The following OSBPL6 variants were observed in gnomAD, a reference collection of about 807,000 sequenced individuals.
The protein encoded by OSBPL6 is oxysterol-binding protein-related protein 6.
In OSBPL6, 49 loss-of-function variants were observed where a neutral mutation model predicts 125.8. The observed-to-expected ratio is 0.39, with a 90% CI of 0.31 to 0.49. The LOEUF is 0.49. Among genes scored for constraint, OSBPL6 ranks in the 20% least tolerant of loss-of-function variants. The pLI is 0.88. For missense variants in OSBPL6, 986 were observed against 1,135.4 expected (o/e 0.87, Z 1.89); for synonymous variants, 394 against 391.8 (o/e 1.01, Z -0.07).
rs1574961716 is a variant in OSBPL6 at position 178,358,304 on chromosome 2, G to T, written c.1154-3378G>T. On this transcript the variant is annotated intron_variant, in intron 12 of 24. Transcript: ENST00000190611. The stretch of plus-strand genomic sequence containing the variant: ...TTTGATAACCAGAGCAACCTGGGGG[G>T]AAAACAACAAAGTTGAAAACATCAT... Among the ~76,000 whole-genome samples, 3 of 152,184 alleles carry T rather than the reference G, an allele frequency of 2.0e-5. No homozygotes were observed. In the Middle Eastern group the frequency reaches 0.01, roughly 518 times the overall value.
intron 9 of OSBPL6, among the ~76,000 whole-genome samples, chr2:178,338,069 G>A (rs1225067311): frequency 6.6e-6 from 1 of 151,544 alleles, no homozygotes; most frequent in Non-Finnish European, 1.5e-5. Context: ...AGCCTTCTGA[G>A]TAGCTGGGAT....
At chr2:178,254,135 T>C (rs1231093583) in intron 1 of OSBPL6, among the ~76,000 whole-genome samples, 2 of 152,208 alleles carry the variant, frequency 1.3e-5, no homozygotes, top group African/African-American at 4.8e-5. Flanking sequence ...GGCTTATGCC[T>C]GTAATCCCAA....
chr2:178,330,011 T>C (rs1689058393), intron 5 of OSBPL6, among the ~76,000 whole-genome samples: 2 of 152,192 alleles, frequency 1.3e-5, no homozygotes, highest in South Asian at 4.1e-4. Flanking sequence ...GAAACGATCT[T>C]TCCTGAACCC....
rs1388067562 is a variant in OSBPL6, at chr2:178,401,780, C to A, written c.*6221C>A. The stretch of plus-strand genomic sequence containing the variant: ...GAGTCCACAGATCTAGGGTGTGGAC[C>A]GAGAATCCTCATTGTAACAAGCACC... On this transcript the variant is annotated 3_prime_UTR_variant, in exon 25 of 25. Coordinates refer to ENST00000190611, the MANE Select transcript of OSBPL6 (RefSeq NM_032523.4). 1 of 152,088 alleles carries A rather than the reference C, an allele frequency of 6.6e-6. No individual in the cohort carries two copies. The highest frequency in any genetic ancestry group is 1.5e-5 in the Non-Finnish European group (1 of 68,042). The allele number at this position is 152,088 out of a possible 1,614,324, so 9.4% of individuals were successfully genotyped here. A position where few individuals can be genotyped will look rare whatever the true frequency, so the allele number is the denominator to read the frequency against.
intron 1 of OSBPL6, among the ~76,000 whole-genome samples, chr2:178,275,598 G>T (rs973860878): frequency 3.9e-5 from 6 of 152,110 alleles, no homozygotes; most frequent in African/African-American, 1.4e-4. Context: ...GGAATCGACA[G>T]TAGGAAATTG....
chr2:178,205,190 G>T (rs2089465905), intron 1 of OSBPL6, among the ~76,000 whole-genome samples: 1 of 152,206 alleles, frequency 6.6e-6, no homozygotes, highest in African/African-American at 2.4e-5. Flanking sequence ...ATTTGTGTTT[G>T]AGACAGTGAG....
At chr2:178,291,569 G>A (rs1201642629) in intron 2 of OSBPL6, among the ~76,000 whole-genome samples, 1 of 152,004 alleles carries the variant, frequency 6.6e-6, no homozygotes, top group Non-Finnish European at 1.5e-5. Flanking sequence ...TCTTTGGTTT[G>A]TCAAGTGACC....
intron 1 of OSBPL6, among the ~76,000 whole-genome samples, chr2:178,236,500 C>T (rs1036689803): frequency 6.6e-6 from 1 of 152,136 alleles, no homozygotes; most frequent in African/African-American, 2.4e-5. Context: ...GGCCTGCTAC[C>T]CCTGGTGACA....
chr2:178,315,224 G>A (rs372048315), intron 3 of OSBPL6, among the ~76,000 whole-genome samples: 1 of 152,226 alleles, frequency 6.6e-6, no homozygotes, highest in East Asian at 1.9e-4. Context: ...ACCTTTCAAC[G>A]AGCAGCTCCA....
At chr2:178,289,312 A>G (rs1685022156) in intron 2 of OSBPL6, among the ~76,000 whole-genome samples, 1 of 152,120 alleles carries the variant, frequency 6.6e-6, no homozygotes, top group South Asian at 2.1e-4. Context: ...TACTGTGCCC[A>G]GCCAGTTTTT....
At chr2:178,374,918 G>A (rs1260510040) in intron 15 of OSBPL6, among the ~76,000 whole-genome samples, 1 of 152,144 alleles carries the variant, frequency 6.6e-6, no homozygotes, top group African/African-American at 2.4e-5. Flanking sequence ...TTTATAATGG[G>A]AGAAAAGTAA....
intron 6 of OSBPL6, 106 bp from the exon 7 acceptor site, chr2:178,332,535 C>T (rs947862055): frequency 1.9e-5 from 15 of 794,550 alleles, no homozygotes; most frequent in African/African-American, 1.7e-4. Flanking sequence ...TGTAGTATTC[C>T]ACTTCCCATA....
intron 2 of OSBPL6, among the ~76,000 whole-genome samples, chr2:178,294,716 A>ATTTT (rs34851252): frequency 8.9e-4 from 126 of 142,130 alleles, no homozygotes; most frequent in African/African-American, 2.9e-3. Context: ...CACCACAGCT[A>ATTTT]TTTTTTTTTT....
At chr2:178,384,686 A>C (rs1019822335) in intron 18 of OSBPL6, among the ~76,000 whole-genome samples, 1 of 152,140 alleles carries the variant, frequency 6.6e-6, no homozygotes, top group African/African-American at 2.4e-5. Context: ...AAGTAATCAG[A>C]TATGCATCTC....
chr2:178,350,800 C>T lies in OSBPL6; in HGVS notation c.1153+1411C>T, dbSNP rs1245622328. Among the ~76,000 whole-genome samples, 5 of 152,164 alleles carry T rather than the reference C, an allele frequency of 3.3e-5. No homozygotes were observed. In the East Asian group the frequency reaches 9.6e-4, roughly 29 times the overall value. On this transcript the variant is annotated intron_variant, in intron 12 of 24. Transcript: ENST00000190611. ...AGGTGCAAAAGGTAGAGTGTGACCA[C>T]AGATGTGTGAGTTGAATATATGAGT...
Position 178,226,031 on chromosome 2 carries a change from G to C in OSBPL6, c.-351+31357G>C, listed in dbSNP as rs75101063. On this transcript the variant is annotated intron_variant, in intron 1 of 24. Transcript: ENST00000190611. Reference sequence around the variant, plus strand: ...CCCCCAAAGGAAGGCAAAGCAGCCCGGAGCTAGTAACAGAAGGAACCAATA... The same window carrying C: ...CCCCCAAAGGAAGGCAAAGCAGCCCCGAGCTAGTAACAGAAGGAACCAATA... Among the ~76,000 whole-genome samples the C allele has an allele frequency of 6.2e-3, 940 of 152,264 alleles. 4 individuals carry two copies. Among genetic ancestry groups the C allele is most frequent in the Middle Eastern group, 0.01 (3 of 294 alleles).
intron 1 of OSBPL6, among the ~76,000 whole-genome samples, chr2:178,202,746 T>A (rs1316000668): frequency 4.7e-5 from 7 of 150,228 alleles, no homozygotes; most frequent in Non-Finnish European, 4.4e-5. Context: ...CACTTGAACC[T>A]GGGAGGCAGA....
At chr2:178,233,115 A>G (rs891277978) in intron 1 of OSBPL6, among the ~76,000 whole-genome samples, 1 of 152,196 alleles carries the variant, frequency 6.6e-6, no homozygotes, top group African/African-American at 2.4e-5. Flanking sequence ...ACTTGTTACA[A>G]TTCTTCAAGT....
intron 3 of OSBPL6, among the ~76,000 whole-genome samples, chr2:178,320,991 C>G (rs1688189970): frequency 6.6e-6 from 1 of 152,054 alleles, no homozygotes; most frequent in African/African-American, 2.4e-5. Context: ...AACCCCGTCT[C>G]TACTAAAAAT....
Sources: allele counts gnomAD v4.1 joint callset (sites outside exome capture counted in the v4.1 genomes callset), GRCh38; gene constraint gnomAD v4.1.1; transcripts MANE v1.5; gene names NCBI Gene and HGNC (gene_info 2026-07-23, HGNC 2026-07-21).